Variants in OBI1 observed in about 807,000 individuals in gnomAD.
OBI1 encodes the protein ORC ubiquitin ligase 1.
Under a neutral mutation model 62.4 loss-of-function variants are expected in OBI1, and 59 were observed. The observed-to-expected ratio is 0.95, with a 90% confidence interval of 0.77 to 1.17. The LOEUF is 1.17. Ranked by LOEUF, OBI1 falls within the 50% of genes most tolerant of loss-of-function variation. OBI1 has a pLI of 0.00. For missense variants in OBI1, 875 were observed against 830.9 expected, an observed-to-expected ratio of 1.05 and a Z score of -0.65; for synonymous variants, 302 against 292.8, an observed-to-expected ratio of 1.03 and a Z score of -0.32.
intron 5 of OBI1, among the ~76,000 whole-genome samples, chr13:78,621,772 T>C (rs144017800): frequency 7.2e-5 from 11 of 152,270 alleles, no homozygotes; most frequent in African/African-American, 2.4e-4. Context: ...CTAGAGAAAA[T>C]GACAGGCTGA....
intron 3 of OBI1, among the ~76,000 whole-genome samples, chr13:78,639,536 T>C (rs1432438598): frequency 6.6e-6 from 1 of 150,704 alleles, no homozygotes; most frequent in Non-Finnish European, 1.5e-5. Flanking sequence ...TAAAGACACA[T>C]GCACACGTAT....
intron 1 of OBI1, 58 bp from the exon 2 acceptor site, chr13:78,645,055 T>C: frequency 6.6e-7 from 1 of 1,511,830 alleles, no homozygotes; most frequent in Non-Finnish European, 8.9e-7. Context: ...GAAGATCAAA[T>C]GGTTTAGTTT....
At chr13:78,624,036 T>C (rs1158006978) in intron 5 of OBI1, among the ~76,000 whole-genome samples, 1 of 152,194 alleles carries the variant, frequency 6.6e-6, no homozygotes, top group Admixed American at 6.5e-5. Flanking sequence ...ATAGAAAGTA[T>C]GTATGATAAA....
chr13:78,655,959 G>C lies in OBI1; in HGVS notation c.72+3090C>G, dbSNP rs144717021. Among the ~76,000 whole-genome samples the C allele has an allele frequency of 3.9e-3, 596 of 152,226 alleles. 6 individuals carry two copies. Among genetic ancestry groups the C allele is most frequent in the African/African-American group, 0.014 (566 of 41,522 alleles). On this transcript the variant is annotated intron_variant, in intron 1 of 5. Coordinates refer to ENST00000282003, the MANE Select transcript of OBI1 (RefSeq NM_024546.4). ...TGCTTTCACTATAAAAAAGAAAAGA[G>C]ACATGGAACCAGCTGAAAATTCTGG...
chr13:78,617,293 C>A (rs1875343220), intron 5 of OBI1, 171 bp from the exon 6 acceptor site: 3 of 501,534 alleles, frequency 6.0e-6, no homozygotes, highest in African/African-American at 5.9e-5. Context: ...GGTTTCCCCA[C>A]TTACATAATA....
At position 78,616,589 on chromosome 13, in the gene OBI1, G is replaced by T; in HGVS notation, c.1172C>A (p.Thr391Asn). The T allele has an allele frequency of 2.5e-6, 4 of 1,614,152 alleles. No individual in the cohort carries two copies. Among genetic ancestry groups the T allele is most frequent in the Non-Finnish European group, 2.5e-6 (3 of 1,180,022 alleles). ...EELYDLPAPC[T>N]PLSLSCLQLS... ...CTGAAGGCAACTAAGGGACAAAGGA[G>T]TACAAGGAGCTGGAAGATCATAAAG... is the stretch of plus-strand genomic sequence containing the variant. The change falls in exon 6 of 6, where the codon ACT becomes AAT. Residue 391 changes from threonine to asparagine, a missense_variant. Coordinates refer to ENST00000282003, the MANE Select transcript of OBI1 (RefSeq NM_024546.4).
At chr13:78,638,601 GTC>G (rs1258371506) in intron 4 of OBI1, among the ~76,000 whole-genome samples, 1 of 152,164 alleles carries the variant, frequency 6.6e-6, no homozygotes, top group Non-Finnish European at 1.5e-5. Flanking sequence ...AAGCACAACA[GTC>G]TCTAATTATA....
At position 78,626,841 on chromosome 13, in the gene OBI1, C is replaced by T. The variant is rs532934194; in HGVS notation, c.638+8269G>A. On this transcript the variant is annotated intron_variant, in intron 5 of 5. Coordinates refer to ENST00000282003, the MANE Select transcript of OBI1 (RefSeq NM_024546.4). ...CCAGACTTTGGGAGGCCAAGGCAGGCGGATCATGAGGTCAGGAGATCGAGA... is the reference window on the plus strand; with the variant it reads ...CCAGACTTTGGGAGGCCAAGGCAGGTGGATCATGAGGTCAGGAGATCGAGA... Among the ~76,000 whole-genome samples, 17 of 152,218 alleles carry T rather than the reference C, an allele frequency of 1.1e-4. 1 individual carries two copies. In the South Asian group the frequency reaches 3.3e-3, roughly 30 times the overall value.
chr13:78,622,576 A>T (rs1875547003), intron 5 of OBI1, among the ~76,000 whole-genome samples: 1 of 152,186 alleles, frequency 6.6e-6, no homozygotes, highest in Admixed American at 6.5e-5. Context: ...AAATATTAGG[A>T]AAGTATCTTT....
rs745338657 is a variant in OBI1, at chr13:78,616,260, C to T, written c.1501G>A (p.Glu501Lys). 7.4e-6 allele frequency: 12 copies of T among 1,613,594 alleles called. No homozygotes were observed. The African/African-American group carries it at 1.6e-4, about 22-fold the overall frequency. Residue 501 changes from glutamate (E) to lysine (K), a missense_variant, in exon 6 of 6, where the codon GAG becomes AAG. Glu to Lys is a moderately conservative substitution (Grantham distance 56). Coordinates refer to ENST00000282003, the MANE Select transcript of OBI1 (RefSeq NM_024546.4). ...SVGEISSKLS[E>K]KSGLCLSKRL... ...TTGGATAAACATAAGCCTGATTTCT[C>T]ACTCAATTTTGAAGATATTTCTCCA... is the stretch of plus-strand genomic sequence containing the variant.
At chr13:78,620,733 A>G (rs1875482912) in intron 5 of OBI1, 2 of 439,094 alleles carry the variant, frequency 4.6e-6, no homozygotes, top group Non-Finnish European at 9.0e-6. Flanking sequence ...GAGGTGGTAT[A>G]ACTAAACTAA....
chr13:78,655,694 T>C (rs1876679979), intron 1 of OBI1, among the ~76,000 whole-genome samples: 1 of 152,180 alleles, frequency 6.6e-6, no homozygotes, highest in African/African-American at 2.4e-5. Flanking sequence ...TGGTCCTTAA[T>C]TCTGTTGAAT....
In OBI1 at chr13:78,638,846, C is replaced by T; in HGVS notation, c.526G>A (p.Asp176Asn). Residue 176 changes from aspartate to asparagine, a missense_variant, in exon 4 of 6, where the codon GAT becomes AAT. Asp to Asn is a conservative substitution (Grantham distance 23). Transcript: ENST00000282003. ...ACCTCCTTTAGCTTATCCACATCAT[C>T]TTTCACTTTTTCATAGATTTCATTA... ...TANEIYEKVKDDVDKLKEANK... is the reference protein window; with the variant it reads ...TANEIYEKVKNDVDKLKEANK... The T allele has an allele frequency of 6.2e-7, 1 of 1,613,208 alleles. No individual in the cohort carries two copies.
At chr13:78,620,489 G>A (rs537395393) in intron 5 of OBI1, 1 of 350,880 alleles carries the variant, frequency 2.8e-6, no homozygotes, top group African/African-American at 2.2e-5. Context: ...GCTTCATTGT[G>A]CCAGAAAAAA....
chr13:78,619,952 G>A (rs575092839), intron 5 of OBI1, among the ~76,000 whole-genome samples: 38 of 152,274 alleles, frequency 2.5e-4, no homozygotes, highest in African/African-American at 8.4e-4. Context: ...AAGTAAACAT[G>A]TTTTGTTTAC....
chr13:78,621,984 A>C (rs1310616077), intron 5 of OBI1, among the ~76,000 whole-genome samples: 4 of 152,240 alleles, frequency 2.6e-5, no homozygotes, highest in African/African-American at 9.6e-5. Flanking sequence ...AAAAACCACG[A>C]ATTCTCAATA....
intron 1 of OBI1, among the ~76,000 whole-genome samples, chr13:78,646,604 A>G: frequency 6.6e-6 from 1 of 152,172 alleles, no homozygotes. Flanking sequence ...CTTCTGCACT[A>G]GGAACTGGAA....
intron 4 of OBI1, among the ~76,000 whole-genome samples, chr13:78,635,943 A>T (rs763820340): frequency 2.6e-5 from 4 of 152,110 alleles, no homozygotes; most frequent in Non-Finnish European, 4.4e-5. Context: ...TTGTATTTTA[A>T]GTAGAGACAG....
rs369561090 is a variant in OBI1, at chr13:78,616,830, G to T, written c.931C>A (p.His311Asn). Residue 311 changes from histidine (H) to asparagine (N), a missense_variant, in exon 6 of 6, where the codon CAC (histidine) becomes AAC (asparagine). Physicochemically the swap from His to Asn is moderately conservative, Grantham distance 68. Transcript: ENST00000282003. Reference protein sequence around the residue: ...QPGSSTSSSSHLAKPSSSRLC... With the variant: ...QPGSSTSSSSNLAKPSSSRLC... The stretch of plus-strand genomic sequence containing the variant: ...CTGCTGCTGGAAGGCTTCGCTAGGT[G>T]AGAAGAACTGGAGGTGGATGAGCCA... The T allele has an allele frequency of 3.7e-6, 6 of 1,614,212 alleles. No homozygotes were observed. The highest frequency in any genetic ancestry group is 5.1e-6 in the Non-Finnish European group (6 of 1,180,026).
Sources: allele counts gnomAD v4.1 joint callset (sites outside exome capture counted in the v4.1 genomes callset), GRCh38; gene constraint gnomAD v4.1.1; transcripts MANE v1.5; gene names NCBI Gene and HGNC (gene_info 2026-07-23, HGNC 2026-07-21).